Variants in IL1R1 observed in about 807,000 individuals in gnomAD.
IL1R1 encodes interleukin 1 receptor type 1.
IL1R1 carries 22 observed loss-of-function variants against 50.2 expected under a neutral mutation model. That is an observed-to-expected ratio of 0.44 (90% CI 0.31 to 0.63). The LOEUF (loss-of-function observed/expected upper bound fraction) is 0.63, where lower values mean the gene tolerates loss of function less well. Among genes scored for constraint, IL1R1 ranks in the 20% least tolerant of loss-of-function variants. The pLI is 0.07. For synonymous variants in IL1R1, 251 were observed against 236.7 expected (o/e 1.06, Z -0.55); for missense variants, 509 against 676.2 (o/e 0.75, Z 2.74).
rs185241155 is a variant in IL1R1, at chr2:102,110,908, A to G, written c.-84+6036A>G. Among the ~76,000 whole-genome samples, 13 of 152,264 alleles carry G rather than the reference A, an allele frequency of 8.5e-5. No individual in the cohort carries two copies. The East Asian group carries it at 2.5e-3, about 29-fold the overall frequency. On this transcript the variant is annotated intron_variant, in intron 1 of 10. Transcript: ENST00000409329. Reference sequence around the variant, plus strand: ...ACAGAAGGCTGCAGAGACAGCGAGTAGGGAGCCACGGTCCGTGTTAGCCTG... The same window carrying G: ...ACAGAAGGCTGCAGAGACAGCGAGTGGGGAGCCACGGTCCGTGTTAGCCTG...
At chr2:102,155,117 T>G (rs1181484393) in intron 2 of IL1R1, among the ~76,000 whole-genome samples, 1 of 152,222 alleles carries the variant, frequency 6.6e-6, no homozygotes, top group Non-Finnish European at 1.5e-5. Context: ...AATGCAGCAG[T>G]GAGTGAATAA....
intron 3 of IL1R1, among the ~76,000 whole-genome samples, chr2:102,160,949 A>G (rs1174778515): frequency 6.6e-6 from 1 of 152,184 alleles, no homozygotes; most frequent in African/African-American, 2.4e-5. Context: ...TCACCTTCGT[A>G]AATGAAGACC....
intron 1 of IL1R1, among the ~76,000 whole-genome samples, chr2:102,098,102 A>G (rs1337260248): frequency 2.6e-5 from 4 of 152,116 alleles, no homozygotes; most frequent in Admixed American, 2.6e-4. Context: ...AAATATAAAG[A>G]TGGCTTAATC....
intron 1 of IL1R1, among the ~76,000 whole-genome samples, chr2:102,129,776 T>G (rs1287399653): frequency 2.6e-5 from 4 of 152,160 alleles, no homozygotes; most frequent in African/African-American, 9.7e-5. Context: ...TGCAGAAGCT[T>G]TATGTAGAGC....
chr2:102,177,583 G>A lies in IL1R1; in HGVS notation c.*824G>A, dbSNP rs199759250. ...CCCCAGCCAGAAGTTAGTGTCCGAA[G>A]ACCGAATTTTATTTTACAGAGCTTG... is the stretch of plus-strand genomic sequence containing the variant. On this transcript the variant is annotated 3_prime_UTR_variant, in exon 12 of 12. Transcript: ENST00000410023. 6 of 152,334 alleles carry A rather than the reference G, an allele frequency of 3.9e-5. No individual in the cohort carries two copies. Among genetic ancestry groups the A allele is most frequent in the African/African-American group, 1.2e-4 (5 of 41,444 alleles). 9.4% of individuals were successfully genotyped at this position (152,334 alleles called of 1,614,324 possible).
chr2:102,075,761 G>A (rs1191557111), intron 1 of IL1R1, among the ~76,000 whole-genome samples: 3 of 152,302 alleles, frequency 2.0e-5, no homozygotes, highest in East Asian at 1.9e-4. Context: ...AGATAAGAAC[G>A]AAAATACAGG....
intron 1 of IL1R1, among the ~76,000 whole-genome samples, chr2:102,132,372 C>A (rs949329178): frequency 6.6e-6 from 1 of 152,018 alleles, no homozygotes; most frequent in African/African-American, 2.4e-5. Flanking sequence ...CAAAATAGCA[C>A]AAAAGTCACG....
intron 1 of IL1R1, among the ~76,000 whole-genome samples, chr2:102,083,240 T>C (rs1029144974): frequency 6.6e-6 from 1 of 152,184 alleles, no homozygotes; most frequent in Admixed American, 6.5e-5. Flanking sequence ...CAGAGGACAC[T>C]TTCTTTGAGT....
chr2:102,102,511 G>C (rs1323202124), upstream of IL1R1, among the ~76,000 whole-genome samples: 1 of 152,106 alleles, frequency 6.6e-6, no homozygotes, highest in Non-Finnish European at 1.5e-5. Context: ...AAAAATAAGA[G>C]ATGCCAACAA....
Position 102,171,709 on chromosome 2 carries a change from A to C in IL1R1, c.722-92A>C, listed in dbSNP as rs996918201. Reference sequence around the variant, plus strand: ...TTTTCCTTTTTCTTTGTGCATTTCTATATCTAAAATTTTAATTCAATAGCC... The same window carrying C: ...TTTTCCTTTTTCTTTGTGCATTTCTCTATCTAAAATTTTAATTCAATAGCC... On this transcript the variant is annotated intron_variant, in intron 7 of 11. Coordinates refer to ENST00000410023, the MANE Select transcript of IL1R1 (RefSeq NM_000877.4). The C allele has an allele frequency of 4.8e-4, 305 of 630,286 alleles. 1 individual carries two copies. The highest frequency in any genetic ancestry group is 7.3e-5 in the Non-Finnish European group (29 of 399,628). 39.0% of individuals were successfully genotyped at this position (630,286 alleles called of 1,614,324 possible). A position where few individuals can be genotyped will look rare whatever the true frequency, so the allele number is the denominator to read the frequency against.
At chr2:102,078,833 C>G (rs960100525) in intron 1 of IL1R1, among the ~76,000 whole-genome samples, 25 of 152,032 alleles carry the variant, frequency 1.6e-4, no homozygotes, top group African/African-American at 4.8e-4. Context: ...TACAGACATA[C>G]AAATCCTCAG....
chr2:102,173,947 T>C (rs923414087), intron 9 of IL1R1, among the ~76,000 whole-genome samples: 1 of 152,250 alleles, frequency 6.6e-6, no homozygotes, highest in Non-Finnish European at 1.5e-5. Context: ...GAAAATGGTA[T>C]AACTTGATTT....
rs1686350724 is a variant in IL1R1 at position 102,178,793 on chromosome 2, T to G, written c.*2034T>G. 1 of 152,372 alleles carries G rather than the reference T, an allele frequency of 6.6e-6. No individual in the cohort carries two copies. 9.4% of individuals were successfully genotyped at this position (152,372 alleles called of 1,614,324 possible). On this transcript the variant is annotated 3_prime_UTR_variant, in exon 12 of 12. Transcript: ENST00000410023. ...CATTTCTTAAAATGTTTCATTTTCATTAAAAATGAAAGCCAAATTTATATG... is the reference window on the plus strand; with the variant it reads ...CATTTCTTAAAATGTTTCATTTTCAGTAAAAATGAAAGCCAAATTTATATG...
At chr2:102,095,684 A>G (rs548214569) in intron 1 of IL1R1, among the ~76,000 whole-genome samples, 7 of 152,234 alleles carry the variant, frequency 4.6e-5, no homozygotes, top group Non-Finnish European at 1.0e-4. Flanking sequence ...ATGTTTGCAT[A>G]TAAAAAATAC....
chr2:102,138,303 A>G (rs1431881225), upstream of IL1R1, among the ~76,000 whole-genome samples: 1 of 152,222 alleles, frequency 6.6e-6, no homozygotes, highest in African/African-American at 2.4e-5. Flanking sequence ...TTAACATGGG[A>G]AAAACCAGGT....
At chr2:102,127,643 ATGTGTGTGTGTGACTG>A (rs1681791116) in intron 1 of IL1R1, among the ~76,000 whole-genome samples, 1 of 141,094 alleles carries the variant, frequency 7.1e-6, no homozygotes, top group African/African-American at 2.7e-5. Context: ...TAAGACAGAG[ATGTGTGTGTGTGACTG>A]TGTGTGTGTG....
chr2:102,175,776 G>A, intron 11 of IL1R1, 131 bp downstream of exon 11: 1 of 783,844 alleles, frequency 1.3e-6, no homozygotes. Context: ...CTTCAGAAGT[G>A]TATGATGATT....
intron 1 of IL1R1, among the ~76,000 whole-genome samples, chr2:102,089,004 T>C (rs906740658): frequency 6.6e-6 from 1 of 152,248 alleles, no homozygotes; most frequent in Non-Finnish European, 1.5e-5. Context: ...TCTGTTTTGA[T>C]CTATTATTGA....
intron 1 of IL1R1, among the ~76,000 whole-genome samples, chr2:102,077,252 G>A (rs1225905930): frequency 6.6e-6 from 1 of 152,010 alleles, no homozygotes; most frequent in African/African-American, 2.4e-5. Context: ...TGTATTTTTA[G>A]AGATGATGGG....
Sources: gnomAD v4.1 joint callset for allele counts (sites outside exome capture counted in the v4.1 genomes callset) on GRCh38, gnomAD v4.1.1 for gene constraint, MANE v1.5 for transcripts, NCBI Gene and HGNC (gene_info 2026-07-23, HGNC 2026-07-21) for gene names.